CPSF2: variants seen among roughly 807,000 people sequenced by gnomAD.
CPSF2 encodes the protein cleavage and polyadenylation specificity factor subunit 2.
CPSF2 carries 51 observed loss-of-function variants against 84.2 expected under a neutral mutation model. The observed-to-expected ratio is 0.61, with a 90% CI of 0.48 to 0.77. The LOEUF (loss-of-function observed/expected upper bound fraction) is 0.77. Ranked by LOEUF, CPSF2 falls within the 30% of genes least tolerant of loss-of-function variation. The pLI is 0.00. For synonymous variants in CPSF2, 286 were observed against 311.9 expected (o/e 0.92, Z 0.87); for missense variants, 641 against 929.4 (o/e 0.69, Z 4.03).
intron 9 of CPSF2, among the ~76,000 whole-genome samples, chr14:92,151,186 G>A (rs1345911523): frequency 6.6e-6 from 1 of 152,104 alleles, no homozygotes; most frequent in African/African-American, 2.4e-5. Flanking sequence ...CAGTTCAGGA[G>A]TTCAAGACTA....
At chr14:92,160,544 G>A (rs1873004327) in intron 14 of CPSF2, among the ~76,000 whole-genome samples, 1 of 152,126 alleles carries the variant, frequency 6.6e-6, no homozygotes, top group African/African-American at 2.4e-5. Flanking sequence ...CTCAAAATTG[G>A]GAGGAGGAAT....
At chr14:92,124,174 A>T (rs917369052) in intron 1 of CPSF2, among the ~76,000 whole-genome samples, 1 of 152,222 alleles carries the variant, frequency 6.6e-6, no homozygotes, top group African/African-American at 2.4e-5. Flanking sequence ...GTAGGTTAAG[A>T]TCAGCTTGTG....
At chr14:92,158,913 T>G in intron 13 of CPSF2, 70 bp from the exon 14 acceptor site, 1 of 1,335,634 alleles carries the variant, frequency 7.5e-7, no homozygotes, top group Non-Finnish European at 1.0e-6. Flanking sequence ...AAAATGATAA[T>G]AGGTTATATT....
intron 1 of CPSF2, among the ~76,000 whole-genome samples, chr14:92,124,862 T>C (rs1195323401): frequency 6.6e-6 from 1 of 152,232 alleles, no homozygotes; most frequent in Non-Finnish European, 1.5e-5. Flanking sequence ...CACTTTTCCA[T>C]GTGGCCATGA....
rs1384308213 is a variant in CPSF2, at chr14:92,135,303, G to A, written c.416-64G>A. The stretch of plus-strand genomic sequence containing the variant: ...TTACCTATTAAAATATTATAGTTGA[G>A]AAATAAATAACCTTTCTTTAGGGTT... On this transcript the variant is annotated intron_variant, in intron 5 of 15. Transcript: ENST00000298875. The A allele has an allele frequency of 4.2e-6, 6 of 1,417,430 alleles. No homozygotes were observed. In the East Asian group the frequency reaches 1.2e-4, roughly 28 times the overall value. 87.8% of individuals were successfully genotyped at this position (1,417,430 alleles called of 1,614,324 possible). A position where few individuals can be genotyped will look rare whatever the true frequency, so the allele number is the denominator to read the frequency against.
intron 14 of CPSF2, among the ~76,000 whole-genome samples, chr14:92,160,209 C>T (rs1475647224): frequency 6.6e-6 from 1 of 152,176 alleles, no homozygotes; most frequent in East Asian, 1.9e-4. Context: ...GTGATCCACC[C>T]ATCTCAGCCT....
chr14:92,158,210 G>A (rs565072978), intron 13 of CPSF2, among the ~76,000 whole-genome samples: 7 of 152,186 alleles, frequency 4.6e-5, no homozygotes, highest in East Asian at 1.9e-4. Context: ...AGTAGGAAAG[G>A]GGGGGAAGAG....
chr14:92,126,754 T>G (rs1363750215), intron 2 of CPSF2, among the ~76,000 whole-genome samples: 1 of 152,120 alleles, frequency 6.6e-6, no homozygotes, highest in African/African-American at 2.4e-5. Context: ...AAATGAGCCA[T>G]GATTGCACCA....
intron 9 of CPSF2, among the ~76,000 whole-genome samples, chr14:92,149,719 G>C (rs547845355): frequency 5.9e-5 from 9 of 151,758 alleles, no homozygotes; most frequent in Non-Finnish European, 1.2e-4. Context: ...GCAGTGGTAC[G>C]ATCTCGGCTC....
intron 1 of CPSF2, among the ~76,000 whole-genome samples, chr14:92,123,812 T>A (rs764580408): frequency 6.6e-6 from 1 of 152,260 alleles, no homozygotes; most frequent in East Asian, 1.9e-4. Flanking sequence ...CTTCATTCCT[T>A]CTTGCAGTAC....
chr14:92,167,268 T>G lies in CPSF2; in HGVS notation c.*5524T>G, dbSNP rs1039464580. On this transcript the variant is annotated 3_prime_UTR_variant, in exon 16 of 16. Coordinates refer to ENST00000298875, the MANE Select transcript of CPSF2 (RefSeq NM_017437.3). Reference sequence around the variant, plus strand: ...ATCAAGTAACCCGGCTGCCTCAGCCTCCCAAAGTGCTGGGATTACAGTCGT... The same window carrying G: ...ATCAAGTAACCCGGCTGCCTCAGCCGCCCAAAGTGCTGGGATTACAGTCGT... 1 of 151,916 alleles carries G rather than the reference T, an allele frequency of 6.6e-6. No individual in the cohort carries two copies. The highest frequency in any genetic ancestry group is 1.5e-5 in the Non-Finnish European group (1 of 67,986). 9.4% of individuals were successfully genotyped at this position (151,916 alleles called of 1,614,324 possible). A position where few individuals can be genotyped will look rare whatever the true frequency, so the allele number is the denominator to read the frequency against.
At chr14:92,156,093 G>C (rs1182580014) in intron 11 of CPSF2, among the ~76,000 whole-genome samples, 2 of 152,158 alleles carry the variant, frequency 1.3e-5, no homozygotes, top group African/African-American at 4.8e-5. Flanking sequence ...TTCAGGACCA[G>C]CCTGGCCAAG....
chr14:92,167,256 G>C lies in CPSF2; in HGVS notation c.*5512G>C, dbSNP rs2069461292. On this transcript the variant is annotated 3_prime_UTR_variant, in exon 16 of 16. Coordinates refer to ENST00000298875, the MANE Select transcript of CPSF2 (RefSeq NM_017437.3). ...CGAACTCCTGACATCAAGTAACCCG[G>C]CTGCCTCAGCCTCCCAAAGTGCTGG... is the stretch of plus-strand genomic sequence containing the variant. The C allele has an allele frequency of 6.6e-6, 1 of 151,596 alleles. No individual in the cohort carries two copies. The highest frequency in any genetic ancestry group is 6.6e-5 in the Admixed American group (1 of 15,198). 9.4% of individuals were successfully genotyped at this position (151,596 alleles called of 1,614,324 possible).
Position 92,161,944 on chromosome 14 carries a change from G to A in CPSF2, c.*200G>A, listed in dbSNP as rs145300415. 5.1e-4 allele frequency: 227 copies of A among 442,590 alleles called. 2 individuals are homozygous for A. In the East Asian group the frequency reaches 9.3e-3, roughly 18 times the overall value. 27.4% of individuals were successfully genotyped at this position (442,590 alleles called of 1,614,324 possible). ...AGCATTCTATCTTTTGGCTTTCAGAGTGATAGAGCTCCTAACAGGTGTACA... is the reference window on the plus strand; with the variant it reads ...AGCATTCTATCTTTTGGCTTTCAGAATGATAGAGCTCCTAACAGGTGTACA... On this transcript the variant is annotated 3_prime_UTR_variant, in exon 16 of 16. Coordinates refer to ENST00000298875, the MANE Select transcript of CPSF2 (RefSeq NM_017437.3).
intron 1 of CPSF2, among the ~76,000 whole-genome samples, chr14:92,122,635 G>GCGCCCTCC (rs1567013511): frequency 6.6e-6 from 1 of 151,708 alleles, no homozygotes; most frequent in Non-Finnish European, 1.5e-5. Flanking sequence ...TTGGGCCTTC[G>GCGCCCTCC]CGCCCTCCCG....
In CPSF2 at chr14:92,141,230, AAC is replaced by A. The variant is rs528921858; in HGVS notation, c.662-932_662-931del. On this transcript the variant is annotated intron_variant, in intron 7 of 15. Transcript: ENST00000298875. Reference sequence around the variant, plus strand: ...AGTTTAAAAAATATAAGTAAAAAAAAACAGTGTAACAACCATTTACATAGCAT... The same window carrying A: ...AGTTTAAAAAATATAAGTAAAAAAAAAGTGTAACAACCATTTACATAGCAT... Among the ~76,000 whole-genome samples, 4 of 152,324 alleles carry A rather than the reference AAC, an allele frequency of 2.6e-5. No individual in the cohort carries two copies. The South Asian group carries it at 8.3e-4, about 32-fold the overall frequency.
chr14:92,135,923 G>A (rs150670052), intron 6 of CPSF2, among the ~76,000 whole-genome samples: 39 of 152,284 alleles, frequency 2.6e-4, no homozygotes, highest in African/African-American at 8.4e-4. Flanking sequence ...GGTGGGACCC[G>A]GTGGGAGATG....
At chr14:92,132,726 C>T (rs979732280) in intron 3 of CPSF2, among the ~76,000 whole-genome samples, 18 of 147,208 alleles carry the variant, frequency 1.2e-4, no homozygotes, top group African/African-American at 4.5e-4. Flanking sequence ...GAGCCAAGAT[C>T]GCACCATTGC....
intron 6 of CPSF2, among the ~76,000 whole-genome samples, chr14:92,136,155 T>C (rs1436261870): frequency 6.6e-6 from 1 of 152,218 alleles, no homozygotes; most frequent in Non-Finnish European, 1.5e-5. Flanking sequence ...CTATATAATA[T>C]TTTGGTGTTT....
Sources: allele counts gnomAD v4.1 joint callset (sites outside exome capture counted in the v4.1 genomes callset), GRCh38; gene constraint gnomAD v4.1.1; transcripts MANE v1.5; gene names NCBI Gene and HGNC (gene_info 2026-07-23, HGNC 2026-07-21).